Variants in FHIP1A observed in about 807,000 individuals in gnomAD.
FHIP1A encodes the protein FHF complex subunit HOOK interacting protein 1A, also known as FHF complex subunit HOOK-interacting protein 1A.
FHIP1A carries 61 observed loss-of-function variants against 88.6 expected under a neutral mutation model. The observed-to-expected ratio is 0.69, with a 90% CI of 0.56 to 0.85. The LOEUF (loss-of-function observed/expected upper bound fraction) is 0.85, where lower values mean the gene tolerates loss of function less well. Among genes scored for constraint, FHIP1A ranks in the 40% least tolerant of loss-of-function variants. The pLI, the probability that FHIP1A is intolerant of heterozygous loss-of-function variation, is 0.00. For synonymous variants in FHIP1A, 478 were observed against 496.0 expected (o/e 0.96, Z 0.48); for missense variants, 1,154 against 1,273.5 (o/e 0.91, Z 1.43).
At chr4:151,598,587 C>T (rs1269342526) in intron 7 of FHIP1A, among the ~76,000 whole-genome samples, 3 of 152,164 alleles carry the variant, frequency 2.0e-5, no homozygotes, top group African/African-American at 4.8e-5. Context: ...TTATGCATAA[C>T]ATTTTAGTTA....
intron 9 of FHIP1A, among the ~76,000 whole-genome samples, chr4:151,640,588 T>C (rs1262914005): frequency 3.9e-5 from 6 of 152,332 alleles, no homozygotes; most frequent in Admixed American, 6.5e-5. Context: ...AAAACCAGGC[T>C]TTTACTCCAA....
At chr4:151,496,110 A>G (rs548083653) in intron 3 of FHIP1A, among the ~76,000 whole-genome samples, 2 of 152,094 alleles carry the variant, frequency 1.3e-5, no homozygotes, top group South Asian at 4.1e-4. Flanking sequence ...TATATATCCT[A>G]TAGGATTTGG....
Position 151,650,546 on chromosome 4 carries a change from C to A in FHIP1A, c.2505C>A (p.Ala835=), listed in dbSNP as rs1289227111. Reference sequence around the variant, plus strand: ...CATTTGTGGGGAGAGATGAGGCTGCCTTTGCCAGTCGCCATCCCGTGAGGA... The same window carrying A: ...CATTTGTGGGGAGAGATGAGGCTGCATTTGCCAGTCGCCATCCCGTGAGGA... ...PSPFVGRDEA[A]FASRHPVRTQ... Residue 835 remains alanine, a synonymous_variant, in exon 11 of 14, where the codon GCC becomes GCA. Transcript: ENST00000435205. The A allele has an allele frequency of 6.4e-7, 1 of 1,551,376 alleles. No individual in the cohort carries two copies.
intron 2 of FHIP1A, among the ~76,000 whole-genome samples, chr4:151,456,636 T>C (rs1407965375): frequency 1.3e-5 from 2 of 152,226 alleles, no homozygotes; most frequent in African/African-American, 4.8e-5. Flanking sequence ...ATAACTTTTA[T>C]AGAGCAGAAG....
intron 7 of FHIP1A, among the ~76,000 whole-genome samples, chr4:151,614,128 ACTCTAGCCTGGGTGACAGAGCAAGACTC>A (rs1449802266): frequency 1.4e-5 from 2 of 148,004 alleles, no homozygotes; most frequent in Non-Finnish European, 3.0e-5. Flanking sequence ...GTGCCATTGC[ACTCTAGCCTGGGTGACAGAGCAAGACTC>A]CATCTCAAAA....
At chr4:151,589,976 G>A (rs1734361636) in intron 7 of FHIP1A, among the ~76,000 whole-genome samples, 1 of 152,178 alleles carries the variant, frequency 6.6e-6, no homozygotes, top group Non-Finnish European at 1.5e-5. Flanking sequence ...TATTTTAGTA[G>A]TTTATGGGCA....
At chr4:151,473,696 G>A (rs1388610236) in intron 2 of FHIP1A, among the ~76,000 whole-genome samples, 2 of 152,168 alleles carry the variant, frequency 1.3e-5, no homozygotes, top group Non-Finnish European at 2.9e-5. Flanking sequence ...TATCCTGACA[G>A]CTGAGAAAGT....
intron 8 of FHIP1A, among the ~76,000 whole-genome samples, chr4:151,636,508 G>A (rs1168053289): frequency 6.6e-6 from 1 of 151,804 alleles, no homozygotes; most frequent in Non-Finnish European, 1.5e-5. Context: ...AAAAAACTAA[G>A]GAATGCACTA....
intron 8 of FHIP1A, 83 bp downstream of exon 8, chr4:151,629,952 A>G: frequency 1.1e-5 from 13 of 1,141,248 alleles, no homozygotes; most frequent in Non-Finnish European, 1.6e-5. Flanking sequence ...AATTATGAAT[A>G]TTCTCTTTTG....
intron 1 of FHIP1A, among the ~76,000 whole-genome samples, chr4:151,423,758 G>A (rs1432355378): frequency 6.6e-6 from 1 of 152,168 alleles, no homozygotes; most frequent in Non-Finnish European, 1.5e-5. Context: ...CAACATGTAT[G>A]TCTGCAAAGC....
intron 2 of FHIP1A, among the ~76,000 whole-genome samples, chr4:151,474,150 T>C (rs4696264): frequency 0.38 from 57,906 of 152,068 alleles, 11,285 homozygotes; most frequent in Non-Finnish European, 0.43. Flanking sequence ...TGGAAAAGTC[T>C]TTTTGTGGCT....
At chr4:151,492,492 T>A (rs1002336258) in intron 3 of FHIP1A, among the ~76,000 whole-genome samples, 1 of 151,364 alleles carries the variant, frequency 6.6e-6, no homozygotes, top group Non-Finnish European at 1.5e-5. Flanking sequence ...CTTGGGATGT[T>A]GAGACAGGAG....
At chr4:151,480,282 C>T (rs1729848045) in intron 2 of FHIP1A, among the ~76,000 whole-genome samples, 1 of 151,972 alleles carries the variant, frequency 6.6e-6, no homozygotes, top group Non-Finnish European at 1.5e-5. Context: ...TTAACTGATA[C>T]CCAGCAATGC....
chr4:151,426,892 C>T lies in FHIP1A; in HGVS notation c.-356+17427C>T, dbSNP rs1368994130. 2.6e-5 allele frequency among the ~76,000 whole-genome samples: 4 copies of T among 152,052 alleles called. No homozygotes were observed. The East Asian group carries it at 7.7e-4, about 29-fold the overall frequency. ...AAAATAATGAGAGTTTTTGTGATTT[C>T]CCCTCCTCACTCCTGTGCTAGAAAG... On this transcript the variant is annotated intron_variant, in intron 1 of 13. Transcript: ENST00000435205.
At chr4:151,457,706 T>A (rs191640812) in intron 2 of FHIP1A, among the ~76,000 whole-genome samples, 44 of 152,312 alleles carry the variant, frequency 2.9e-4, no homozygotes, top group African/African-American at 1.1e-3. Flanking sequence ...CTATAATGTC[T>A]TTGATTTAAC....
chr4:151,610,886 C>T (rs1735297204), intron 7 of FHIP1A, among the ~76,000 whole-genome samples: 1 of 152,174 alleles, frequency 6.6e-6, no homozygotes, highest in African/African-American at 2.4e-5. Context: ...TTGTACCTCT[C>T]ATACCAGGTG....
At position 151,563,214 on chromosome 4, in the gene FHIP1A, A is replaced by G. The variant is rs186933485; in HGVS notation, c.-122-2924A>G. Among the ~76,000 whole-genome samples, 158 of 152,280 alleles carry G rather than the reference A, an allele frequency of 1.0e-3. 1 individual carries two copies. Among genetic ancestry groups the G allele is most frequent in the Middle Eastern group, 6.8e-3 (2 of 294 alleles). ...TGAAATATCAAGCTATTGTATATAT[A>G]TTTTGACAGCTCATCTCTTTCTTGC... On this transcript the variant is annotated intron_variant, in intron 3 of 13. Coordinates refer to ENST00000435205, the MANE Select transcript of FHIP1A (RefSeq NM_001109977.3).
intron 3 of FHIP1A, among the ~76,000 whole-genome samples, chr4:151,563,393 C>G (rs1049563065): frequency 3.9e-5 from 6 of 152,074 alleles, no homozygotes; most frequent in Non-Finnish European, 8.8e-5. Context: ...GTAGAGCTCT[C>G]TCTCAGGCAT....
chr4:151,527,923 T>G (rs1248637384), intron 3 of FHIP1A, among the ~76,000 whole-genome samples: 1 of 152,158 alleles, frequency 6.6e-6, no homozygotes, highest in Non-Finnish European at 1.5e-5. Flanking sequence ...CTTGGGCTAT[T>G]GCCACTCAAT....
Sources: gnomAD v4.1 joint callset for allele counts (sites outside exome capture counted in the v4.1 genomes callset) on GRCh38, gnomAD v4.1.1 for gene constraint, MANE v1.5 for transcripts, NCBI Gene and HGNC (gene_info 2026-07-23, HGNC 2026-07-21) for gene names.